Variants in PTPRR observed in about 807,000 individuals in gnomAD.
The protein encoded by PTPRR is protein tyrosine phosphatase receptor type R.
PTPRR carries 38 observed loss-of-function variants against 77.2 expected under a neutral mutation model. The ratio of observed to expected loss-of-function variants is 0.49; its 90% confidence interval spans 0.38 to 0.65. PTPRR has a LOEUF of 0.65. Among genes scored for constraint, PTPRR ranks in the 30% least tolerant of loss-of-function variants. PTPRR has a pLI of 0.00. For synonymous variants in PTPRR, 299 were observed against 283.1 expected, an observed-to-expected ratio of 1.06 and a Z score of -0.57; for missense variants, 744 against 799.2, an observed-to-expected ratio of 0.93 and a Z score of 0.83.
At chr12:70,817,484 G>A (rs1446979994) in intron 2 of PTPRR, among the ~76,000 whole-genome samples, 8 of 152,206 alleles carry the variant, frequency 5.3e-5, no homozygotes, top group Non-Finnish European at 1.2e-4. Context: ...CATAATATCT[G>A]TAACACATTC....
intron 2 of PTPRR, among the ~76,000 whole-genome samples, chr12:70,871,983 CTT>C (rs1252528120): frequency 2.0e-5 from 3 of 152,164 alleles, no homozygotes; most frequent in African/African-American, 4.8e-5. Flanking sequence ...GAGTGGCTCT[CTT>C]GAGCCTGTTC....
At chr12:70,868,646 A>G (rs1892903480) in intron 2 of PTPRR, among the ~76,000 whole-genome samples, 2 of 152,090 alleles carry the variant, frequency 1.3e-5, no homozygotes, top group South Asian at 2.1e-4. Flanking sequence ...TCAGGGATCT[A>G]GAACTAGAAA....
chr12:70,764,595 A>G, intron 3 of PTPRR, 70 bp downstream of exon 3: 2 of 1,247,618 alleles, frequency 1.6e-6, no homozygotes, highest in Non-Finnish European at 2.4e-6. Flanking sequence ...CTATAGCATG[A>G]GCCCTTTAGT....
chr12:70,735,093 T>A (rs546064765), intron 6 of PTPRR, among the ~76,000 whole-genome samples: 1 of 152,112 alleles, frequency 6.6e-6, no homozygotes, highest in African/African-American at 2.4e-5. Context: ...CCTACCTATA[T>A]AAAATCTGAC....
chr12:70,757,773 T>C (rs369095787), intron 4 of PTPRR, among the ~76,000 whole-genome samples: 19 of 152,342 alleles, frequency 1.2e-4, no homozygotes, highest in African/African-American at 4.6e-4. Flanking sequence ...TGATCCTTTT[T>C]TTCTGTTAAT....
intron 2 of PTPRR, among the ~76,000 whole-genome samples, chr12:70,814,906 G>A (rs1453243651): frequency 3.3e-5 from 5 of 151,736 alleles, no homozygotes; most frequent in African/African-American, 9.7e-5. Context: ...ACCCAACAAG[G>A]TACAATTCCC....
chr12:70,776,810 G>A (rs1275791158), intron 2 of PTPRR, among the ~76,000 whole-genome samples: 1 of 151,946 alleles, frequency 6.6e-6, no homozygotes, highest in Admixed American at 6.6e-5. Flanking sequence ...CCCTTCTTTT[G>A]TTGTTCCTTT....
intron 2 of PTPRR, among the ~76,000 whole-genome samples, chr12:70,772,859 T>C (rs1353120696): frequency 6.6e-6 from 1 of 152,082 alleles, no homozygotes; most frequent in Admixed American, 6.6e-5. Flanking sequence ...TTTCTTAAAA[T>C]TTATCTTACT....
chr12:70,661,215 G>C, intron 11 of PTPRR, 118 bp from the exon 12 acceptor site: 17 of 1,358,480 alleles, frequency 1.3e-5, no homozygotes, highest in Non-Finnish European at 1.7e-5. Flanking sequence ...TTTCTAGGTG[G>C]GAAAAAAATT....
chr12:70,829,464 T>G (rs192491932), intron 2 of PTPRR, among the ~76,000 whole-genome samples: 64 of 152,218 alleles, frequency 4.2e-4, no homozygotes, highest in Non-Finnish European at 7.2e-4. Context: ...TGAATATAAC[T>G]TGGGAATAAA....
At chr12:70,679,689 G>GT (rs1887585595) in intron 10 of PTPRR, among the ~76,000 whole-genome samples, 1 of 151,892 alleles carries the variant, frequency 6.6e-6, no homozygotes, top group Non-Finnish European at 1.5e-5. Flanking sequence ...ATTTTATCTG[G>GT]TATAAGTGAA....
intron 2 of PTPRR, among the ~76,000 whole-genome samples, chr12:70,777,549 T>C (rs1224978824): frequency 2.0e-5 from 3 of 152,222 alleles, no homozygotes; most frequent in African/African-American, 7.2e-5. Flanking sequence ...ATTATTTCTA[T>C]ATTGTTATAT....
intron 2 of PTPRR, among the ~76,000 whole-genome samples, chr12:70,791,020 A>G (rs779406446): frequency 1.4e-4 from 22 of 152,286 alleles, no homozygotes; most frequent in Admixed American, 3.3e-4. Flanking sequence ...CACATCTATC[A>G]TGGACCAAAG....
At chr12:70,806,303 A>G (rs1286408610) in intron 2 of PTPRR, among the ~76,000 whole-genome samples, 1 of 152,158 alleles carries the variant, frequency 6.6e-6, no homozygotes, top group African/African-American at 2.4e-5. Flanking sequence ...TTTCAATAGA[A>G]CCCACAGTAG....
chr12:70,829,545 G>C (rs1216211436), intron 2 of PTPRR, among the ~76,000 whole-genome samples: 1 of 152,146 alleles, frequency 6.6e-6, no homozygotes, highest in Non-Finnish European at 1.5e-5. Flanking sequence ...TTTTCTCCCT[G>C]AGACAATGCA....
chr12:70,881,461 A>G (rs914149443), intron 2 of PTPRR, among the ~76,000 whole-genome samples: 2 of 152,166 alleles, frequency 1.3e-5, no homozygotes, highest in African/African-American at 2.4e-5. Context: ...ACAATTGTAG[A>G]AATTGTTTGT....
Position 70,920,625 on chromosome 12 carries a change from C to T in PTPRR, c.-235G>A. 2.2e-6 allele frequency: 1 copy of T among 456,092 alleles called. No homozygotes were observed. Among genetic ancestry groups the T allele is most frequent in the South Asian group, 2.5e-5 (1 of 39,392 alleles). The allele number at this position is 456,092 out of a possible 1,614,324, so 28.3% of individuals were successfully genotyped here. On this transcript the variant is annotated 5_prime_UTR_variant, in exon 1 of 14. Transcript: ENST00000283228. The stretch of plus-strand genomic sequence containing the variant: ...GTTGCGGGTAAGGGGAACAGAAGCG[C>T]TCAGAGGCGGCAAATGCCTGGCCTT...
At chr12:70,817,438 A>G (rs546983587) in intron 2 of PTPRR, among the ~76,000 whole-genome samples, 1 of 152,342 alleles carries the variant, frequency 6.6e-6, no homozygotes, top group African/African-American at 2.4e-5. Context: ...TCTTGTTCTT[A>G]GGAACCATAC....
intron 2 of PTPRR, among the ~76,000 whole-genome samples, chr12:70,807,337 AATG>A (rs2137026829): frequency 6.6e-6 from 1 of 152,314 alleles, no homozygotes; most frequent in African/African-American, 2.4e-5. Context: ...TTTGCTGCTG[AATG>A]CATTTCTAAT....
Sources: gnomAD v4.1 joint callset for allele counts (sites outside exome capture counted in the v4.1 genomes callset) on GRCh38, gnomAD v4.1.1 for gene constraint, MANE v1.5 for transcripts, NCBI Gene and HGNC (gene_info 2026-07-23, HGNC 2026-07-21) for gene names.